Variants in OTUD7A observed in about 807,000 individuals in gnomAD.
OTUD7A encodes the protein OTU deubiquitinase 7A, also known as OTU domain-containing protein 7A.
OTUD7A carries 12 observed loss-of-function variants against 65.7 expected under a neutral mutation model. The observed-to-expected ratio is 0.18, with a 90% CI of 0.12 to 0.30. OTUD7A has a LOEUF of 0.30. OTUD7A is among the 10% of genes least tolerant of loss of function. The pLI, the probability that OTUD7A is intolerant of heterozygous loss-of-function variation, is 1.00. For missense variants in OTUD7A, 1,148 were observed against 1,304.8 expected (o/e 0.88, Z 1.85); for synonymous variants, 641 against 586.3 (o/e 1.09, Z -1.35).
At chr15:31,811,929 C>T (rs1896427925) in intron 1 of OTUD7A, among the ~76,000 whole-genome samples, 1 of 152,200 alleles carries the variant, frequency 6.6e-6, no homozygotes, top group African/African-American at 2.4e-5. Context: ...GAGGGGTCAG[C>T]TTCACTCTCG....
intron 1 of OTUD7A, among the ~76,000 whole-genome samples, chr15:31,805,152 A>G (rs1163925948): frequency 6.6e-6 from 1 of 152,208 alleles, no homozygotes; most frequent in African/African-American, 2.4e-5. Flanking sequence ...GTTTCCCTGT[A>G]GGGTCTAGGA....
rs1036676805 is a variant in OTUD7A, at chr15:31,484,617, G to C, written c.1479C>G (p.Asn493Lys). The change falls in exon 13 of 13, where the codon AAC becomes AAG. Residue 493 changes from asparagine to lysine, a missense_variant. Asn to Lys is a moderately conservative substitution (Grantham distance 94). Around this residue, in one of 6 missense-constraint regions of OTUD7A, gnomAD observed 842 missense variants for 769.5 expected, o/e 1.09. Transcript: ENST00000307050. This position sits in a 1 kb window ranked among gnomAD's most constrained non-coding sequence, Gnocchi z 4.5. ...SDRDSVCSNS[N>K]SNNGKNGKDK... ...CCTTGCCGTTCTTGCCGTTATTGCT[G>C]TTAGAATTGCTGCACACCGAATCGC... The C allele has an allele frequency of 1.2e-6, 2 of 1,601,798 alleles. No homozygotes were observed. Among genetic ancestry groups the C allele is most frequent in the Non-Finnish European group, 1.7e-6 (2 of 1,175,228 alleles).
chr15:31,764,873 T>G (rs908567737), intron 1 of OTUD7A, among the ~76,000 whole-genome samples: 9 of 152,162 alleles, frequency 5.9e-5, no homozygotes, highest in South Asian at 2.1e-4. Flanking sequence ...GAAGTCAGTC[T>G]TTAGCTGAAT....
At position 31,619,745 on chromosome 15, in the gene OTUD7A, T is replaced by G. The variant is rs1890715784; in HGVS notation, c.151+35351A>C. 5.0e-5 allele frequency among the ~76,000 whole-genome samples: 7 copies of G among 139,192 alleles called. No individual in the cohort carries two copies. In the South Asian group the frequency reaches 1.5e-3, roughly 30 times the overall value. The allele number at this position is 139,192 out of a possible 152,430, so 91.3% of individuals were successfully genotyped here. A position where few individuals can be genotyped will look rare whatever the true frequency, so the allele number is the denominator to read the frequency against. ...CAATTTGACTTCCTCTTTTCCTAAT[T>G]GAATACCCTTTATTTCTTTCTCCTG... On this transcript the variant is annotated intron_variant, in intron 3 of 12. Coordinates refer to ENST00000307050, the MANE Select transcript of OTUD7A (RefSeq NM_001382637.1).
At chr15:31,668,851 A>T (rs1875666) in intron 1 of OTUD7A, among the ~76,000 whole-genome samples, 46,544 of 152,042 alleles carry the variant, frequency 0.31, 8,334 homozygotes, top group African/African-American at 0.49. Flanking sequence ...GTTCCATTGT[A>T]GCAGTACTCT....
intron 4 of OTUD7A, among the ~76,000 whole-genome samples, chr15:31,562,266 C>T (rs1241668238): frequency 1.3e-5 from 2 of 151,878 alleles, no homozygotes; most frequent in African/African-American, 4.8e-5. Flanking sequence ...CTATGCGGAG[C>T]AGCCAATCCA....
In OTUD7A at chr15:31,476,834, A is replaced by G. The variant is rs976129780; in HGVS notation, c.*6460T>C. The G allele has an allele frequency of 1.3e-5, 2 of 152,292 alleles. No individual in the cohort carries two copies. The highest frequency in any genetic ancestry group is 4.8e-5 in the African/African-American group (2 of 41,488). The allele number at this position is 152,292 out of a possible 1,614,324, so 9.4% of individuals were successfully genotyped here. ...ACAGTATTTTGCCAACAACTCTTAG[A>G]AGAAAACGCATTTGGCCAAAGGACC... On this transcript the variant is annotated 3_prime_UTR_variant, in exon 13 of 13. Coordinates refer to ENST00000307050, the MANE Select transcript of OTUD7A (RefSeq NM_001382637.1).
chr15:31,742,294 G>T (rs921643505), intron 1 of OTUD7A, among the ~76,000 whole-genome samples: 4 of 152,038 alleles, frequency 2.6e-5, no homozygotes, highest in Non-Finnish European at 5.9e-5. Flanking sequence ...CACAACGATT[G>T]GTTATATACA....
chr15:31,596,028 T>A (rs1889893756), intron 3 of OTUD7A, among the ~76,000 whole-genome samples: 1 of 152,122 alleles, frequency 6.6e-6, no homozygotes, highest in African/African-American at 2.4e-5. Flanking sequence ...CCCTTGATAT[T>A]ACCTTGGGCC....
intron 5 of OTUD7A, among the ~76,000 whole-genome samples, chr15:31,545,999 T>C (rs1218443332): frequency 6.6e-6 from 1 of 152,172 alleles, no homozygotes; most frequent in African/African-American, 2.4e-5. Flanking sequence ...GTGTGCCAAA[T>C]AGTATGTCAA....
At chr15:31,540,944 T>C (rs1566910982) in intron 5 of OTUD7A, among the ~76,000 whole-genome samples, 1 of 151,996 alleles carries the variant, frequency 6.6e-6, no homozygotes, top group Non-Finnish European at 1.5e-5. Context: ...GTACAGAAAA[T>C]GGGAGGAAGT....
Position 31,483,770 on chromosome 15 carries a change from G to A in OTUD7A, c.2326C>T (p.Gln776Ter). 9.4e-7 allele frequency: 1 copy of A among 1,065,228 alleles called. No individual in the cohort carries two copies. The highest frequency in any genetic ancestry group is 1.1e-6 in the Non-Finnish European group (1 of 883,478). The allele number at this position is 1,065,228 out of a possible 1,614,324, so 66.0% of individuals were successfully genotyped here. A position where few individuals can be genotyped will look rare whatever the true frequency, so the allele number is the denominator to read the frequency against. Residue 776 changes from glutamine to a stop codon, truncating the protein, a stop_gained, in exon 13 of 13, where the codon CAG becomes TAG. Coordinates refer to ENST00000307050, the MANE Select transcript of OTUD7A (RefSeq NM_001382637.1). LOFTEE classifies it high-confidence loss of function. ...GACGCCTGCACGTGGATGACGCTCT[G>A]GCGCGCTGGCGCCGGGGGGCTGCGG... is the stretch of plus-strand genomic sequence containing the variant. ...PGRSPPAPAR[Q>*]SVIHVQASGA...
chr15:31,767,730 C>A, intron 1 of OTUD7A: 1 of 711,548 alleles, frequency 1.4e-6, no homozygotes, highest in South Asian at 1.5e-5. Context: ...TTTATTTTCT[C>A]GGCATTTTCC....
At chr15:31,768,040 A>T in intron 1 of OTUD7A, 2 of 1,601,904 alleles carry the variant, frequency 1.2e-6, no homozygotes, top group Non-Finnish European at 1.7e-6. Flanking sequence ...TTAATAGGTC[A>T]TAAAGCCAAT....
At chr15:31,656,750 G>GC (rs983580222) in intron 2 of OTUD7A, among the ~76,000 whole-genome samples, 6 of 151,818 alleles carry the variant, frequency 4.0e-5, no homozygotes, top group Non-Finnish European at 8.8e-5. Flanking sequence ...TTTGACCCTG[G>GC]CCCTGCCCCT....
In OTUD7A at chr15:31,688,400, A is replaced by G. The variant is rs536902186; in HGVS notation, c.-99-31323T>C. 5.9e-5 allele frequency among the ~76,000 whole-genome samples: 9 copies of G among 152,260 alleles called. No homozygotes were observed. The East Asian group carries it at 1.7e-3, about 29-fold the overall frequency. ...ACAGGTCCAGATTGTGCAGCACTCC[A>G]TAAAACAAGTGGCTCAGACTCTTCA... On this transcript the variant is annotated intron_variant, in intron 1 of 12. Coordinates refer to ENST00000307050, the MANE Select transcript of OTUD7A (RefSeq NM_001382637.1).
At chr15:31,504,951 C>T (rs2041537202) in intron 8 of OTUD7A, among the ~76,000 whole-genome samples, 1 of 151,266 alleles carries the variant, frequency 6.6e-6, no homozygotes, top group African/African-American at 2.4e-5. Context: ...AGTGCAGTGG[C>T]GTTATCTCAG....
At chr15:31,865,308 A>G (rs1897850104) in intron 1 of OTUD7A, among the ~76,000 whole-genome samples, 1 of 152,218 alleles carries the variant, frequency 6.6e-6, no homozygotes, top group African/African-American at 2.4e-5. Flanking sequence ...GAAACCTCAA[A>G]TCATCATTAG....
intron 3 of OTUD7A, among the ~76,000 whole-genome samples, chr15:31,597,297 T>C (rs1034279431): frequency 3.3e-5 from 5 of 152,166 alleles, no homozygotes; most frequent in Non-Finnish European, 7.4e-5. Flanking sequence ...ATCATTTGTC[T>C]TCCTTTCCAT....
Sources: allele counts gnomAD v4.1 joint callset (sites outside exome capture counted in the v4.1 genomes callset), GRCh38; gene constraint gnomAD v4.1.1; regional missense constraint gnomAD v4.1.1; non-coding constraint Gnocchi (gnomAD v3.1); transcripts MANE v1.5; gene names NCBI Gene and HGNC (gene_info 2026-07-23, HGNC 2026-07-21).